Variants in DNM3 observed in about 807,000 individuals in gnomAD.
The protein encoded by DNM3 is dynamin 3.
Under a neutral mutation model 101.6 loss-of-function variants are expected in DNM3, and 47 were observed. The ratio of observed to expected loss-of-function variants is 0.46; its 90% CI spans 0.37 to 0.59. DNM3 has a LOEUF of 0.59. Ranked by LOEUF, DNM3 falls within the 20% of genes least tolerant of loss-of-function variation. DNM3 has a pLI of 0.00. For synonymous variants in DNM3, 385 were observed against 387.9 expected (o/e 0.99, Z 0.09); for missense variants, 849 against 1,085.7 (o/e 0.78, Z 3.06).
chr1:171,957,901 C>G (rs2125486508), intron 2 of DNM3, among the ~76,000 whole-genome samples: 1 of 152,300 alleles, frequency 6.6e-6, no homozygotes. Flanking sequence ...TAACCTCTGC[C>G]TGTTACCCAG....
At chr1:171,858,609 A>G (rs1317501360) in intron 1 of DNM3, among the ~76,000 whole-genome samples, 1 of 152,132 alleles carries the variant, frequency 6.6e-6, no homozygotes, top group Non-Finnish European at 1.5e-5. Context: ...AAGCTCCACT[A>G]ATGGAGGCCC....
At chr1:172,022,601 A>G (rs999037600) in intron 4 of DNM3, among the ~76,000 whole-genome samples, 20 of 152,174 alleles carry the variant, frequency 1.3e-4, no homozygotes, top group Middle Eastern at 3.4e-3. Flanking sequence ...AAGTCAGTGC[A>G]AAAGGCTTTT....
At chr1:172,040,369 A>G (rs2049285778) in intron 7 of DNM3, among the ~76,000 whole-genome samples, 1 of 152,180 alleles carries the variant, frequency 6.6e-6, no homozygotes, top group African/African-American at 2.4e-5. Flanking sequence ...AAAAGATACA[A>G]GTTTTAGATA....
At chr1:171,970,850 A>G (rs548970544) in intron 2 of DNM3, among the ~76,000 whole-genome samples, 1 of 152,176 alleles carries the variant, frequency 6.6e-6, no homozygotes, top group South Asian at 2.1e-4. Context: ...AGAAGAATCA[A>G]GTAGCTATTA....
At chr1:172,353,579 A>T (rs536653989) in intron 17 of DNM3, among the ~76,000 whole-genome samples, 1 of 152,262 alleles carries the variant, frequency 6.6e-6, no homozygotes, top group Non-Finnish European at 1.5e-5. Flanking sequence ...TTCCTCACAG[A>T]TATAAGAAAA....
chr1:172,267,563 A>T (rs1413059498), intron 15 of DNM3, among the ~76,000 whole-genome samples: 10 of 152,208 alleles, frequency 6.6e-5, no homozygotes, highest in Non-Finnish European at 1.5e-4. Context: ...TAAGAAAAAA[A>T]AAAGCATAGA....
intron 17 of DNM3, among the ~76,000 whole-genome samples, chr1:172,349,859 A>G (rs2067116671): frequency 6.6e-6 from 1 of 152,174 alleles, no homozygotes; most frequent in Admixed American, 6.5e-5. Flanking sequence ...AAAAAATCAT[A>G]TTATTTATAC....
chr1:172,092,173 T>C (rs2053956495), intron 12 of DNM3, among the ~76,000 whole-genome samples: 1 of 152,192 alleles, frequency 6.6e-6, no homozygotes, highest in African/African-American at 2.4e-5. Flanking sequence ...GGTTAAGTTG[T>C]TAAAAACATC....
At chr1:172,340,007 T>G (rs1334575169) in intron 17 of DNM3, among the ~76,000 whole-genome samples, 2 of 152,136 alleles carry the variant, frequency 1.3e-5, no homozygotes, top group African/African-American at 4.8e-5. Context: ...CTTCATCCAG[T>G]GCCATCAAGA....
intron 1 of DNM3, among the ~76,000 whole-genome samples, chr1:171,871,217 G>A (rs533204280): frequency 1.3e-5 from 2 of 152,076 alleles, no homozygotes; most frequent in South Asian, 2.1e-4. Context: ...TATACTCAAC[G>A]CCCAGAGCCC....
At chr1:172,195,912 A>G (rs1451467492) in intron 14 of DNM3, among the ~76,000 whole-genome samples, 1 of 151,052 alleles carries the variant, frequency 6.6e-6, no homozygotes, top group Admixed American at 6.6e-5. Flanking sequence ...TTTTCATTTA[A>G]ACTTCTATTT....
At position 172,388,734 on chromosome 1, in the gene DNM3, C is replaced by T. The variant is rs750219897; in HGVS notation, c.2447C>T (p.Pro816Leu). 2 of 1,612,946 alleles carry T rather than the reference C, an allele frequency of 1.2e-6. No individual in the cohort carries two copies. Among genetic ancestry groups the T allele is most frequent in the South Asian group, 2.2e-5 (2 of 90,838 alleles). Residue 816 changes from proline (P) to leucine (L), a missense_variant, in exon 20 of 21, where the codon CCC becomes CTC. Pro to Leu is a moderately conservative substitution (Grantham distance 98, BLOSUM62 -3). Transcript: ENST00000627582. ...PFRPGPLPPF[P>L]SSSDSFGAPP... ...CGTCCAGGCCCATTACCTCCTTTCC[C>T]CAGCAGCAGTGACTCCTTCGGAGCC... is the stretch of plus-strand genomic sequence containing the variant.
chr1:172,159,213 C>T (rs754655751), intron 14 of DNM3, among the ~76,000 whole-genome samples: 3 of 151,876 alleles, frequency 2.0e-5, no homozygotes, highest in African/African-American at 4.8e-5. Context: ...AGAAAAAAGC[C>T]GTCTATGGAA....
chr1:171,986,897 G>A (rs1258504822), intron 2 of DNM3, among the ~76,000 whole-genome samples: 1 of 152,062 alleles, frequency 6.6e-6, no homozygotes, highest in African/African-American at 2.4e-5. Flanking sequence ...CTTTTAAATT[G>A]TGGTGTTTTT....
chr1:172,230,017 A>T (rs1331720587), intron 14 of DNM3, among the ~76,000 whole-genome samples: 1 of 152,124 alleles, frequency 6.6e-6, no homozygotes, highest in Non-Finnish European at 1.5e-5. Context: ...AGTGTTACTG[A>T]AGGGTTTTAT....
intron 4 of DNM3, among the ~76,000 whole-genome samples, chr1:172,008,880 A>G (rs1456308491): frequency 7.2e-6 from 1 of 139,392 alleles, no homozygotes; most frequent in African/African-American, 2.6e-5. Flanking sequence ...TAATATTAAT[A>G]TATTATATTA....
At chr1:171,924,063 T>A (rs1321489833) in intron 2 of DNM3, among the ~76,000 whole-genome samples, 1 of 152,220 alleles carries the variant, frequency 6.6e-6, no homozygotes, top group African/African-American at 2.4e-5. Flanking sequence ...GTCCCCTGTT[T>A]TCTTTATCCA....
intron 2 of DNM3, among the ~76,000 whole-genome samples, chr1:171,984,669 A>G (rs1362821815): frequency 6.6e-6 from 1 of 152,070 alleles, no homozygotes; most frequent in African/African-American, 2.4e-5. Context: ...ACACACACAC[A>G]TATTGTTTAC....
intron 15 of DNM3, among the ~76,000 whole-genome samples, chr1:172,297,010 G>T (rs1464381471): frequency 1.3e-5 from 2 of 152,186 alleles, no homozygotes; most frequent in South Asian, 2.1e-4. Flanking sequence ...GGGCCTTGTG[G>T]CATGTTCCTG....
Sources: allele counts gnomAD v4.1 joint callset (sites outside exome capture counted in the v4.1 genomes callset), GRCh38; gene constraint gnomAD v4.1.1; transcripts MANE v1.5; gene names NCBI Gene and HGNC (gene_info 2026-07-23, HGNC 2026-07-21).